The following TMEM132D variants were observed in gnomAD, a reference collection of about 807,000 sequenced individuals.
The protein encoded by TMEM132D is transmembrane protein 132D.
Under a neutral mutation model 62.3 loss-of-function variants are expected in TMEM132D, and 21 were observed. The ratio of observed to expected loss-of-function variants is 0.34; its 90% CI spans 0.24 to 0.49. TMEM132D has a LOEUF of 0.49. Among genes scored for constraint, TMEM132D ranks in the 20% least tolerant of loss-of-function variants. The pLI is 0.99. For synonymous variants in TMEM132D, 621 were observed against 575.6 expected (o/e 1.08, Z -1.13); for missense variants, 1,346 against 1,402.8 (o/e 0.96, Z 0.65).
chr12:129,367,256 ATCTG>A (rs34495822), intron 3 of TMEM132D, among the ~76,000 whole-genome samples: 40,168 of 151,920 alleles, frequency 0.26, 5,653 homozygotes, highest in Non-Finnish European at 0.33. Flanking sequence ...TTTGCACATT[ATCTG>A]TCTGTCTGTC....
chr12:129,877,799 T>C (rs1433757384), intron 1 of TMEM132D, among the ~76,000 whole-genome samples: 1 of 152,190 alleles, frequency 6.6e-6, no homozygotes, highest in Admixed American at 6.5e-5. Flanking sequence ...GGATAAGTTA[T>C]TCTAATGTCT....
intron 1 of TMEM132D, among the ~76,000 whole-genome samples, chr12:129,726,406 G>A (rs988524517): frequency 7.9e-5 from 12 of 152,102 alleles, no homozygotes; most frequent in African/African-American, 2.9e-4. Context: ...TTTGGATTGG[G>A]GGAACAGCAA....
intron 3 of TMEM132D, among the ~76,000 whole-genome samples, chr12:129,412,501 C>A (rs1871995754): frequency 1.2e-5 from 1 of 82,058 alleles, no homozygotes; most frequent in Non-Finnish European, 2.7e-5. Flanking sequence ...TGCTTTCCTG[C>A]TATAAGTGCC....
At chr12:129,172,406 G>A (rs527681939) in intron 5 of TMEM132D, among the ~76,000 whole-genome samples, 1 of 152,204 alleles carries the variant, frequency 6.6e-6, no homozygotes, top group Non-Finnish European at 1.5e-5. Flanking sequence ...CCTTGAAGAA[G>A]TTTTCCTTTG....
Position 129,337,751 on chromosome 12 carries a change from T to A in TMEM132D, c.1182A>T (p.Pro394=), listed in dbSNP as rs1253987585. The A allele has an allele frequency of 1.2e-6, 2 of 1,614,068 alleles. No individual in the cohort carries two copies. ...CCTGCCACGTGACCAGCTGTGTGGC[T>A]GGCAGGTCACCAGGCTCTTCCACCT... The part of the protein sequence containing the change: ...DVEVEEPGDL[P]ATQLVTWQVE... The change falls in exon 4 of 9, where the codon CCA becomes CCT. Residue 394 remains proline, a synonymous_variant. Coordinates refer to ENST00000422113, the MANE Select transcript of TMEM132D (RefSeq NM_133448.3).
intron 3 of TMEM132D, among the ~76,000 whole-genome samples, chr12:129,393,032 T>A (rs1240285984): frequency 6.6e-6 from 1 of 152,082 alleles, no homozygotes; most frequent in Non-Finnish European, 1.5e-5. Context: ...ACGAACAGAC[T>A]TTTTTTTCCC....
intron 2 of TMEM132D, among the ~76,000 whole-genome samples, chr12:129,532,791 C>T (rs1202983090): frequency 1.3e-5 from 2 of 152,188 alleles, no homozygotes; most frequent in African/African-American, 4.8e-5. Context: ...ACCCTGAACT[C>T]CTGGGCTCAG....
At chr12:129,627,400 T>C (rs1879250522) in intron 2 of TMEM132D, among the ~76,000 whole-genome samples, 1 of 152,150 alleles carries the variant, frequency 6.6e-6, no homozygotes, top group Non-Finnish European at 1.5e-5. Context: ...CTATACCATA[T>C]AGAGTAGGTG....
At position 129,664,116 on chromosome 12, in the gene TMEM132D, CTG is replaced by C. The variant is rs151337717; in HGVS notation, c.968+35692_968+35693del. ...AAAAAAATAGAGAGAAGTTTGCTAACTGAGTTTAAATGGAGGTAAGGAGACTG... is the reference window on the plus strand; with the variant it reads ...AAAAAAATAGAGAGAAGTTTGCTAACAGTTTAAATGGAGGTAAGGAGACTG... On this transcript the variant is annotated intron_variant, in intron 2 of 8. Coordinates refer to ENST00000422113, the MANE Select transcript of TMEM132D (RefSeq NM_133448.3). 3.9e-3 allele frequency among the ~76,000 whole-genome samples: 592 copies of C among 152,246 alleles called. 1 individual carries two copies. Among genetic ancestry groups the C allele is most frequent in the African/African-American group, 0.012 (505 of 41,560 alleles).
intron 5 of TMEM132D, among the ~76,000 whole-genome samples, chr12:129,179,707 C>T (rs1878011905): frequency 6.6e-6 from 1 of 152,096 alleles, no homozygotes; most frequent in Admixed American, 6.6e-5. Flanking sequence ...GATGGTCTGA[C>T]AGCTTTTATG....
In TMEM132D at chr12:129,179,342, G is replaced by GT. The variant is rs897529104; in HGVS notation, c.1443+30177dup. Among the ~76,000 whole-genome samples, 14 of 144,230 alleles carry GT rather than the reference G, an allele frequency of 9.7e-5. 1 individual carries two copies. The highest frequency in any genetic ancestry group is 1.3e-4 in the African/African-American group (5 of 37,158). 94.6% of individuals were successfully genotyped at this position (144,230 alleles called of 152,430 possible). Reference sequence around the variant, plus strand: ...CCTTTTTTTTTGTTTTTTGTTTTTTGTTTTTTTTCTAAGAAGGTCAAGGTG... The same window carrying GT: ...CCTTTTTTTTTGTTTTTTGTTTTTTGTTTTTTTTTCTAAGAAGGTCAAGGTG... On this transcript the variant is annotated intron_variant, in intron 5 of 8. Coordinates refer to ENST00000422113, the MANE Select transcript of TMEM132D (RefSeq NM_133448.3).
At position 129,715,053 on chromosome 12, in the gene TMEM132D, A is replaced by AT. The variant is rs1868523568; in HGVS notation, c.80-14356dup. ...AACTAGTAGAGTGTTACATCTCATA[A>AT]TTTTTTAAAAATGGTTTATATTAAT... On this transcript the variant is annotated intron_variant, in intron 1 of 8. Transcript: ENST00000422113. 2.0e-5 allele frequency among the ~76,000 whole-genome samples: 3 copies of AT among 152,282 alleles called. No individual in the cohort carries two copies. In the East Asian group the frequency reaches 5.8e-4, roughly 29 times the overall value.
At chr12:129,784,345 G>A (rs1053251567) in intron 1 of TMEM132D, among the ~76,000 whole-genome samples, 5 of 152,128 alleles carry the variant, frequency 3.3e-5, no homozygotes, top group Non-Finnish European at 7.4e-5. Context: ...CCCACCTCAC[G>A]TTCAGTCTGG....
In TMEM132D at chr12:129,081,781, T is replaced by C. The variant is rs1370804914; in HGVS notation, c.1901A>G (p.Glu634Gly). The C allele has an allele frequency of 6.2e-7, 1 of 1,609,844 alleles. No homozygotes were observed. Among genetic ancestry groups the C allele is most frequent in the Non-Finnish European group, 8.5e-7 (1 of 1,178,552 alleles). ...TACCTGAATGGTGGTCATCCCAAGC[T>C]CCTGCCCCATCAGGATCTGTCCGCC... ...LQGGQILMGQ[E>G]LGMTTIQILS... Residue 634 changes from glutamate to glycine, a missense_variant, in exon 7 of 9, where the codon GAG (glutamate) becomes GGG (glycine). By Grantham distance (98) the Glu-to-Gly change is moderately conservative. Coordinates refer to ENST00000422113, the MANE Select transcript of TMEM132D (RefSeq NM_133448.3).
chr12:129,632,932 TCCCCCTCTATG>T (rs1360582043), intron 2 of TMEM132D, among the ~76,000 whole-genome samples: 1 of 152,184 alleles, frequency 6.6e-6, no homozygotes, highest in Admixed American at 6.5e-5. Context: ...GCTTTGACTG[TCCCCCTCTATG>T]CCCCCTAAGT....
intron 2 of TMEM132D, among the ~76,000 whole-genome samples, chr12:129,656,441 C>T (rs10847919): frequency 0.18 from 26,815 of 152,126 alleles, 2,580 homozygotes; most frequent in East Asian, 0.41. Context: ...GGTTTGAAAG[C>T]TCCATATCTA....
At chr12:129,747,540 ACT>A (rs1165958921) in intron 1 of TMEM132D, among the ~76,000 whole-genome samples, 1 of 148,896 alleles carries the variant, frequency 6.7e-6, no homozygotes, top group Non-Finnish European at 1.5e-5. Context: ...AGACACACAC[ACT>A]CTCAGACACC....
intron 2 of TMEM132D, among the ~76,000 whole-genome samples, chr12:129,658,072 A>C (rs1880139919): frequency 6.6e-6 from 1 of 152,202 alleles, no homozygotes; most frequent in Admixed American, 6.5e-5. Context: ...GCTAGTAACA[A>C]GTGCTTGAGA....
chr12:129,427,176 G>A (rs1229874798), intron 3 of TMEM132D, among the ~76,000 whole-genome samples: 1 of 152,178 alleles, frequency 6.6e-6, no homozygotes, highest in East Asian at 1.9e-4. Context: ...CCTAGTTAGA[G>A]TTAAAACAAA....
Sources: gnomAD v4.1 joint callset for allele counts (sites outside exome capture counted in the v4.1 genomes callset) on GRCh38, gnomAD v4.1.1 for gene constraint, MANE v1.5 for transcripts, NCBI Gene and HGNC (gene_info 2026-07-23, HGNC 2026-07-21) for gene names.